DNER: variants seen among roughly 807,000 people sequenced by gnomAD.
The protein encoded by DNER is delta/notch like EGF repeat containing, also known as delta and Notch-like epidermal growth factor-related receptor.
Under a neutral mutation model 78.2 loss-of-function variants are expected in DNER, and 33 were observed. The observed-to-expected ratio is 0.42, with a 90% CI of 0.32 to 0.56. The LOEUF is 0.56. Ranked by LOEUF, DNER falls within the 20% of genes least tolerant of loss-of-function variation. The pLI is 0.11. For missense variants in DNER, 918 were observed against 975.3 expected (o/e 0.94, Z 0.78); for synonymous variants, 417 against 384.8 (o/e 1.08, Z -0.98).
chr2:229,588,315 C>G, intron 3 of DNER, 79 bp downstream of exon 3: 1 of 1,328,842 alleles, frequency 7.5e-7, no homozygotes, highest in Non-Finnish European at 1.1e-6. Context: ...CACTTACACA[C>G]CAGGTCCGCG....
chr2:229,361,772 C>G (rs192218124), intron 12 of DNER, among the ~76,000 whole-genome samples: 1 of 151,908 alleles, frequency 6.6e-6, no homozygotes, highest in Non-Finnish European at 1.5e-5. Flanking sequence ...TGAGAAAATA[C>G]TCTGAATACT....
chr2:229,466,937 C>T (rs1399623474), intron 7 of DNER, among the ~76,000 whole-genome samples: 5 of 152,026 alleles, frequency 3.3e-5, no homozygotes, highest in Admixed American at 2.0e-4. Flanking sequence ...GGTTGGAATT[C>T]GAGGCATTGT....
chr2:229,698,049 A>G (rs1404430577), intron 1 of DNER, among the ~76,000 whole-genome samples: 1 of 152,062 alleles, frequency 6.6e-6, no homozygotes, highest in African/African-American at 2.4e-5. Flanking sequence ...AAAAATAAAA[A>G]ATAAATTAGC....
intron 1 of DNER, among the ~76,000 whole-genome samples, chr2:229,693,662 C>A (rs1699617348): frequency 6.6e-6 from 1 of 152,148 alleles, no homozygotes; most frequent in African/African-American, 2.4e-5. Context: ...AAGAGACTGG[C>A]AGCATTTTGC....
chr2:229,382,422 G>A lies in DNER; in HGVS notation c.1855+5843C>T, dbSNP rs544822261. Among the ~76,000 whole-genome samples, 26 of 152,188 alleles carry A rather than the reference G, an allele frequency of 1.7e-4. No individual in the cohort carries two copies. The South Asian group carries it at 4.1e-3, about 24-fold the overall frequency. ...GAACTGGACAGAGAATGAGTTTGAC[G>A]AATTGACAGAAGTAGGTTCCAGAAG... On this transcript the variant is annotated intron_variant, in intron 11 of 12. Coordinates refer to ENST00000341772, the MANE Select transcript of DNER (RefSeq NM_139072.4).
At chr2:229,504,266 C>A (rs1285760771) in intron 6 of DNER, among the ~76,000 whole-genome samples, 4 of 152,054 alleles carry the variant, frequency 2.6e-5, no homozygotes, top group African/African-American at 7.2e-5. Flanking sequence ...GTTGCCCAGG[C>A]TGGAGTGCAG....
intron 1 of DNER, among the ~76,000 whole-genome samples, chr2:229,643,925 T>C (rs1265876587): frequency 6.6e-6 from 1 of 152,176 alleles, no homozygotes; most frequent in Non-Finnish European, 1.5e-5. Flanking sequence ...TAACGTTGTC[T>C]CAAAGAACCT....
At chr2:229,584,410 T>C (rs762709318) in intron 4 of DNER, among the ~76,000 whole-genome samples, 3 of 152,172 alleles carry the variant, frequency 2.0e-5, no homozygotes, top group Non-Finnish European at 4.4e-5. Flanking sequence ...GGCCTTTGAA[T>C]TGAGCTGCAA....
chr2:229,494,991 G>T (rs892574293), intron 6 of DNER, among the ~76,000 whole-genome samples: 1 of 152,068 alleles, frequency 6.6e-6, no homozygotes, highest in Non-Finnish European at 1.5e-5. Context: ...TTATCAAATG[G>T]TTCCTCAGCC....
chr2:229,616,855 G>A (rs1256946610), intron 1 of DNER, among the ~76,000 whole-genome samples: 1 of 152,222 alleles, frequency 6.6e-6, no homozygotes, highest in Non-Finnish European at 1.5e-5. Flanking sequence ...ATCTGGACAC[G>A]TGGCTTGTCC....
intron 11 of DNER, among the ~76,000 whole-genome samples, chr2:229,374,066 C>G (rs6712134): frequency 0.71 from 107,255 of 152,040 alleles, 38,186 homozygotes; most frequent in East Asian, 0.91. Context: ...TACTTGGAAG[C>G]CTGAGGCACA....
chr2:229,400,939 A>G (rs948478986), intron 10 of DNER, among the ~76,000 whole-genome samples: 2 of 152,108 alleles, frequency 1.3e-5, no homozygotes, highest in African/African-American at 4.8e-5. Context: ...AGTGATCAAC[A>G]TCAACGTCAA....
At position 229,547,163 on chromosome 2, in the gene DNER, C is replaced by G; in HGVS notation, c.848-71G>C. 3 of 1,575,854 alleles carry G rather than the reference C, an allele frequency of 1.9e-6. No homozygotes were observed. The South Asian group carries it at 3.5e-5, about 18-fold the overall frequency. ...TAAAGGCAGTGTGTTGAAAGCTTTA[C>G]CAACAGCCTTTCTACAAGACTATGA... On this transcript the variant is annotated intron_variant, in intron 4 of 12. Coordinates refer to ENST00000341772, the MANE Select transcript of DNER (RefSeq NM_139072.4).
intron 5 of DNER, among the ~76,000 whole-genome samples, chr2:229,518,795 T>A (rs1426251645): frequency 6.6e-6 from 1 of 152,230 alleles, no homozygotes; most frequent in Admixed American, 6.5e-5. Flanking sequence ...TGACATCCAC[T>A]ATGAGGATAT....
intron 1 of DNER, among the ~76,000 whole-genome samples, chr2:229,636,675 G>A (rs1467273294): frequency 6.6e-6 from 1 of 152,190 alleles, no homozygotes; most frequent in Non-Finnish European, 1.5e-5. Flanking sequence ...AGCTAACAAG[G>A]TATGAACTTG....
At chr2:229,387,891 G>GTGTT (rs1240360263) in intron 11 of DNER, among the ~76,000 whole-genome samples, 817 of 57,116 alleles carry the variant, frequency 0.014, 6 homozygotes, top group African/African-American at 0.033. Flanking sequence ...GTGTGTGTGT[G>GTGTT]TTTTTTAATT....
intron 1 of DNER, among the ~76,000 whole-genome samples, chr2:229,710,218 T>C (rs1483843221): frequency 6.6e-6 from 1 of 152,202 alleles, no homozygotes; most frequent in African/African-American, 2.4e-5. Context: ...TACAAGCTCA[T>C]TTAGAGCAAG....
chr2:229,481,156 G>T (rs1695150263), intron 6 of DNER, among the ~76,000 whole-genome samples: 1 of 152,204 alleles, frequency 6.6e-6, no homozygotes, highest in Non-Finnish European at 1.5e-5. Flanking sequence ...GGGGCCCTTT[G>T]GCAGGACAGT....
At chr2:229,606,760 G>A (rs1472188864) in intron 1 of DNER, among the ~76,000 whole-genome samples, 4 of 152,104 alleles carry the variant, frequency 2.6e-5, no homozygotes, top group Non-Finnish European at 4.4e-5. Flanking sequence ...GGGCGTGGTG[G>A]TGCGCTCCTG....
Sources: gnomAD v4.1 joint callset for allele counts (sites outside exome capture counted in the v4.1 genomes callset) on GRCh38, gnomAD v4.1.1 for gene constraint, MANE v1.5 for transcripts, NCBI Gene and HGNC (gene_info 2026-07-23, HGNC 2026-07-21) for gene names.